Variants in MYO16 observed in about 807,000 individuals in gnomAD.
The protein encoded by MYO16 is unconventional myosin-XVI.
A neutral mutation model predicts 205.3 loss-of-function variants in MYO16; 94 were observed. The ratio of observed to expected loss-of-function variants is 0.46; its 90% confidence interval spans 0.39 to 0.54. The LOEUF is 0.54. Among genes scored for constraint, MYO16 ranks in the 20% least tolerant of loss-of-function variants. The probability of loss-of-function intolerance (pLI) is 0.00; values close to 1 mark genes in which losing one functional copy is unlikely to be tolerated. For synonymous variants in MYO16, 988 were observed against 954.0 expected (o/e 1.04, Z -0.66); for missense variants, 2,315 against 2,387.5 (o/e 0.97, Z 0.63).
At chr13:108,801,752 A>G (rs1886975081) in intron 6 of MYO16, among the ~76,000 whole-genome samples, 1 of 152,142 alleles carries the variant, frequency 6.6e-6, no homozygotes, top group African/African-American at 2.4e-5. Context: ...TTTAAACTGG[A>G]ATAATAAGAG....
chr13:108,778,021 A>G (rs1335055517), intron 4 of MYO16, among the ~76,000 whole-genome samples: 2 of 152,178 alleles, frequency 1.3e-5, no homozygotes, highest in Non-Finnish European at 2.9e-5. Flanking sequence ...TGGCTCCTAG[A>G]GAAAGATATA....
At chr13:108,845,917 C>A (rs1349136687) in intron 10 of MYO16, among the ~76,000 whole-genome samples, 2 of 151,798 alleles carry the variant, frequency 1.3e-5, no homozygotes, top group Non-Finnish European at 2.9e-5. Flanking sequence ...CTATGTTGCC[C>A]AGGTTGATCT....
chr13:108,838,461 C>G (rs1265110231), intron 9 of MYO16, among the ~76,000 whole-genome samples: 1 of 150,914 alleles, frequency 6.6e-6, no homozygotes, highest in Non-Finnish European at 1.5e-5. Context: ...TTGAGACCAG[C>G]CTGGCCTCAG....
chr13:109,045,756 T>G lies in MYO16; in HGVS notation c.2797-1160T>G, dbSNP rs557657065. Among the ~76,000 whole-genome samples, 19 of 152,318 alleles carry G rather than the reference T, an allele frequency of 1.2e-4. No homozygotes were observed. The South Asian group carries it at 2.9e-3, about 23-fold the overall frequency. ...GAAGTTGCATCAGGGATCACCCACC[T>G]TTTCCAGGTCCTTCCACAGTCTGCA... On this transcript the variant is annotated intron_variant, in intron 23 of 34. Transcript: ENST00000457511.
chr13:108,859,277 C>T (rs1279825011), intron 11 of MYO16, among the ~76,000 whole-genome samples: 1 of 152,084 alleles, frequency 6.6e-6, no homozygotes, highest in East Asian at 1.9e-4. Flanking sequence ...ATGTATGACC[C>T]ATAATAGGTT....
chr13:108,762,957 C>CA (rs5806754), intron 4 of MYO16, among the ~76,000 whole-genome samples: 79,402 of 151,890 alleles, frequency 0.52, 21,318 homozygotes, highest in East Asian at 0.63. Flanking sequence ...ACATAAACAC[C>CA]AATTAATATT....
intron 27 of MYO16, among the ~76,000 whole-genome samples, chr13:109,074,161 G>GA (rs1888014576): frequency 6.6e-6 from 1 of 151,984 alleles, no homozygotes; most frequent in South Asian, 2.1e-4. Flanking sequence ...TTTTGGTAAA[G>GA]AAAAAAATTG....
At chr13:109,108,477 C>G (rs1238777287) in intron 28 of MYO16, among the ~76,000 whole-genome samples, 1 of 152,234 alleles carries the variant, frequency 6.6e-6, no homozygotes, top group Non-Finnish European at 1.5e-5. Flanking sequence ...AGGCCTATGC[C>G]TAATCCAACT....
chr13:108,811,325 C>T (rs1887284755), intron 7 of MYO16, among the ~76,000 whole-genome samples: 2 of 152,090 alleles, frequency 1.3e-5, no homozygotes, highest in African/African-American at 4.8e-5. Context: ...GGTTATGCCC[C>T]TACCCCTCTG....
the MYO16 span, among the ~76,000 whole-genome samples, chr13:108,589,646 A>G: frequency 6.6e-6 from 1 of 152,166 alleles, no homozygotes; most frequent in East Asian, 1.9e-4. Flanking sequence ...GGCTCCGGGT[A>G]TGACCATATA....
intron 2 of MYO16, among the ~76,000 whole-genome samples, chr13:108,695,307 C>A (rs1183012825): frequency 2.6e-5 from 4 of 152,108 alleles, no homozygotes; most frequent in Non-Finnish European, 2.9e-5. Flanking sequence ...GATCTTGGAA[C>A]CCTTGTTGAA....
chr13:109,065,420 T>C (rs1887714438), intron 27 of MYO16, among the ~76,000 whole-genome samples: 1 of 151,796 alleles, frequency 6.6e-6, no homozygotes, highest in African/African-American at 2.4e-5. Flanking sequence ...ATTATTTTCA[T>C]CTCTCCCCGA....
At chr13:108,551,872 C>T in the MYO16 span, among the ~76,000 whole-genome samples, 1 of 151,856 alleles carries the variant, frequency 6.6e-6, no homozygotes, top group Non-Finnish European at 1.5e-5. Context: ...AATACACTAC[C>T]AGTCAGGCTG....
At chr13:108,585,986 G>C in the MYO16 span, among the ~76,000 whole-genome samples, 1 of 152,164 alleles carries the variant, frequency 6.6e-6, no homozygotes, top group African/African-American at 2.4e-5. Context: ...TGTAAACTAA[G>C]ATGGATGAAT....
At chr13:108,564,600 T>C in the MYO16 span, among the ~76,000 whole-genome samples, 4 of 152,220 alleles carry the variant, frequency 2.6e-5, no homozygotes, top group Non-Finnish European at 5.9e-5. Flanking sequence ...TTCTATGGGT[T>C]GTCTCTCCAC....
chr13:108,794,482 C>T (rs1886722327), intron 6 of MYO16, among the ~76,000 whole-genome samples: 2 of 152,244 alleles, frequency 1.3e-5, no homozygotes, highest in South Asian at 2.1e-4. Flanking sequence ...TGAAATGTAA[C>T]TTATAGGAGC....
chr13:109,129,814 CATAA>C (rs770162598), intron 31 of MYO16, among the ~76,000 whole-genome samples: 1 of 151,990 alleles, frequency 6.6e-6, no homozygotes, highest in African/African-American at 2.4e-5. Context: ...TAGAAAGTTG[CATAA>C]ATAGGCTTCA....
intron 28 of MYO16, among the ~76,000 whole-genome samples, chr13:109,104,244 C>T (rs940684133): frequency 2.0e-5 from 3 of 152,176 alleles, no homozygotes; most frequent in African/African-American, 7.2e-5. Flanking sequence ...GCTCATATTA[C>T]AGGACTTGGA....
chr13:109,107,873 TTTC>T (rs1566509688), intron 28 of MYO16, among the ~76,000 whole-genome samples: 1 of 144,228 alleles, frequency 6.9e-6, no homozygotes, highest in Non-Finnish European at 1.5e-5. Flanking sequence ...GTGTATTTCC[TTTC>T]TTCTTTTGTG....
Sources: gnomAD v4.1 joint callset for allele counts (sites outside exome capture counted in the v4.1 genomes callset) on GRCh38, gnomAD v4.1.1 for gene constraint, MANE v1.5 for transcripts, NCBI Gene and HGNC (gene_info 2026-07-23, HGNC 2026-07-21) for gene names.